KLF12: variants seen among roughly 807,000 people sequenced by gnomAD.
KLF12 encodes the protein Krueppel-like factor 12.
KLF12 carries 9 observed loss-of-function variants against 37.8 expected under a neutral mutation model. The ratio of observed to expected loss-of-function variants is 0.24; its 90% confidence interval spans 0.14 to 0.42. KLF12 has a LOEUF of 0.42. KLF12 is among the 10% of genes least tolerant of loss of function. The pLI is 1.00. For missense variants in KLF12, 411 were observed against 516.0 expected (o/e 0.80, Z 1.97); for synonymous variants, 208 against 202.1 (o/e 1.03, Z -0.25).
chr13:74,244,814 C>G, the KLF12 span, among the ~76,000 whole-genome samples: 1 of 152,122 alleles, frequency 6.6e-6, no homozygotes, highest in Non-Finnish European at 1.5e-5. Flanking sequence ...AAGATGTTAT[C>G]CTGAGTTTTG....
chr13:73,712,861 T>A (rs1046499289), intron 7 of KLF12, among the ~76,000 whole-genome samples: 2 of 152,248 alleles, frequency 1.3e-5, no homozygotes, highest in Admixed American at 6.5e-5. Context: ...GTACTTTTTT[T>A]AGACAATGCT....
chr13:74,296,495 TGAGTG>T, the KLF12 span, among the ~76,000 whole-genome samples: 1 of 152,296 alleles, frequency 6.6e-6, no homozygotes, highest in East Asian at 1.9e-4. Context: ...GTCACATCTT[TGAGTG>T]GTTGGAGATA....
chr13:73,838,776 T>G (rs1355835845), intron 4 of KLF12, among the ~76,000 whole-genome samples: 1 of 152,230 alleles, frequency 6.6e-6, no homozygotes, highest in East Asian at 1.9e-4. Context: ...ATCTGGACAT[T>G]TGATTGCTTT....
the KLF12 span, among the ~76,000 whole-genome samples, chr13:74,283,574 C>T: frequency 5.9e-5 from 9 of 152,116 alleles, no homozygotes; most frequent in Admixed American, 2.6e-4. Flanking sequence ...AAACAGTATG[C>T]ACTAGTGGGC....
chr13:74,151,918 T>TA, the KLF12 span, among the ~76,000 whole-genome samples: 2 of 152,128 alleles, frequency 1.3e-5, no homozygotes, highest in Admixed American at 6.6e-5. Context: ...GGCAACATGT[T>TA]AAAAAATGCA....
intron 2 of KLF12, among the ~76,000 whole-genome samples, chr13:73,951,988 T>C (rs1342173019): frequency 4.6e-5 from 7 of 152,226 alleles, no homozygotes; most frequent in Non-Finnish European, 4.4e-5. Context: ...GATCCAATCA[T>C]TCTCCAGGAT....
chr13:74,147,719 C>T, the KLF12 span, among the ~76,000 whole-genome samples: 1 of 151,960 alleles, frequency 6.6e-6, no homozygotes, highest in Non-Finnish European at 1.5e-5. Context: ...CCTAAGAAAA[C>T]AGAAGCCCCT....
chr13:74,127,939 A>G (rs768950655), intron 1 of KLF12, among the ~76,000 whole-genome samples: 2 of 152,228 alleles, frequency 1.3e-5, no homozygotes, highest in Non-Finnish European at 2.9e-5. Context: ...CACAAATTTA[A>G]TAATTCTATT....
rs561783603 is a variant in KLF12 at position 73,943,451 on chromosome 13, C to T, written c.123+530G>A. ...ATGAATTCATTGGTTTGGCTATGTA[C>T]TGTTAAATAATCTTTCTTTCGCTTT... On this transcript the variant is annotated intron_variant, in intron 3 of 7. Transcript: ENST00000377669. Among the ~76,000 whole-genome samples, 3 of 152,282 alleles carry T rather than the reference C, an allele frequency of 2.0e-5. No homozygotes were observed. The South Asian group carries it at 6.2e-4, about 32-fold the overall frequency.
chr13:74,126,555 T>C (rs1877954473), intron 1 of KLF12, among the ~76,000 whole-genome samples: 1 of 152,230 alleles, frequency 6.6e-6, no homozygotes, highest in African/African-American at 2.4e-5. Flanking sequence ...TTGTCTCAAT[T>C]TTATATCAAG....
At chr13:74,164,340 T>C in the KLF12 span, among the ~76,000 whole-genome samples, 9 of 152,330 alleles carry the variant, frequency 5.9e-5, no homozygotes, top group East Asian at 1.5e-3. Context: ...TATTTTTAAA[T>C]CCTTATATTT....
chr13:74,135,689 T>G (rs945694), upstream of KLF12, among the ~76,000 whole-genome samples: 2,754 of 151,768 alleles, frequency 0.018, 40 homozygotes, highest in Middle Eastern at 0.031. Context: ...ACGACAGTAT[T>G]CCCCTGCCCC....
rs562746353 is a variant in KLF12 at position 74,073,097 on chromosome 13, T to A, written c.-32+60642A>T. ...CCTGCTGCCACGTTAAGACGTGTCTTTGCTCCTCCTTTGCCTTCTGCCATG... is the reference window on the plus strand; with the variant it reads ...CCTGCTGCCACGTTAAGACGTGTCTATGCTCCTCCTTTGCCTTCTGCCATG... On this transcript the variant is annotated intron_variant, in intron 1 of 7. Transcript: ENST00000377669. Among the ~76,000 whole-genome samples, 6 of 152,330 alleles carry A rather than the reference T, an allele frequency of 3.9e-5. No individual in the cohort carries two copies. In the East Asian group the frequency reaches 1.2e-3, roughly 29 times the overall value.
intron 1 of KLF12, among the ~76,000 whole-genome samples, chr13:74,040,727 T>C (rs1893378866): frequency 1.3e-5 from 2 of 152,154 alleles, no homozygotes; most frequent in Admixed American, 1.3e-4. Context: ...ACCCTACATA[T>C]AATATAGTCA....
chr13:73,932,081 C>A (rs1385207143), intron 3 of KLF12, among the ~76,000 whole-genome samples: 1 of 151,570 alleles, frequency 6.6e-6, no homozygotes, highest in East Asian at 1.9e-4. Context: ...AGAAACAAGA[C>A]TGCCTTATTT....
chr13:73,717,533 T>G (rs1875907605), intron 6 of KLF12, among the ~76,000 whole-genome samples: 1 of 152,248 alleles, frequency 6.6e-6, no homozygotes, highest in African/African-American at 2.4e-5. Flanking sequence ...TCAGTGTACC[T>G]TCTCCCTTTT....
chr13:74,100,614 C>T (rs369578869), intron 1 of KLF12, among the ~76,000 whole-genome samples: 2 of 104,096 alleles, frequency 1.9e-5, no homozygotes, highest in African/African-American at 5.0e-5. Context: ...AAGAGTCCAT[C>T]TCAAATATAT....
At chr13:73,972,930 C>T (rs1039046666) in intron 2 of KLF12, among the ~76,000 whole-genome samples, 3 of 151,718 alleles carry the variant, frequency 2.0e-5, no homozygotes, top group Non-Finnish European at 2.9e-5. Flanking sequence ...ATGTATCTAT[C>T]GTATAAACAC....
intron 1 of KLF12, among the ~76,000 whole-genome samples, chr13:74,000,565 A>G (rs1286319237): frequency 6.6e-6 from 1 of 152,214 alleles, no homozygotes; most frequent in Non-Finnish European, 1.5e-5. Flanking sequence ...AGGATTCTTC[A>G]CTACTTAAAA....
Sources: gnomAD v4.1 joint callset for allele counts (sites outside exome capture counted in the v4.1 genomes callset) on GRCh38, gnomAD v4.1.1 for gene constraint, MANE v1.5 for transcripts, NCBI Gene and HGNC (gene_info 2026-07-23, HGNC 2026-07-21) for gene names.